The following PALLD variants were observed in gnomAD, a reference collection of about 807,000 sequenced individuals.
PALLD encodes palladin, cytoskeletal associated protein.
A neutral mutation model predicts 123.5 loss-of-function variants in PALLD; 61 were observed. The observed-to-expected ratio is 0.49, with a 90% CI of 0.40 to 0.61. The LOEUF is 0.61. PALLD is among the 20% of genes least tolerant of loss of function. The pLI is 0.00. For synonymous variants in PALLD, 465 were observed against 496.4 expected, an observed-to-expected ratio of 0.94 and a Z score of 0.84; for missense variants, 1,273 against 1,377.0, an observed-to-expected ratio of 0.92 and a Z score of 1.20.
At chr4:168,513,934 C>T (rs1580065879) in intron 2 of PALLD, among the ~76,000 whole-genome samples, 1 of 151,844 alleles carries the variant, frequency 6.6e-6, no homozygotes, top group African/African-American at 2.4e-5. Context: ...GTGAAACCCC[C>T]TCTCTACTAA....
At chr4:168,520,913 G>C (rs1293881536) in intron 2 of PALLD, among the ~76,000 whole-genome samples, 1 of 152,198 alleles carries the variant, frequency 6.6e-6, no homozygotes, top group East Asian at 1.9e-4. Context: ...AATTGGTTAT[G>C]ACAGTCATTG....
intron 2 of PALLD, among the ~76,000 whole-genome samples, chr4:168,628,982 G>C (rs1164065906): frequency 6.6e-6 from 1 of 150,458 alleles, no homozygotes; most frequent in Non-Finnish European, 1.5e-5. Flanking sequence ...AAGTGAAGAT[G>C]TAAGACGAAG....
chr4:168,867,660 A>G (rs962879186), intron 10 of PALLD, among the ~76,000 whole-genome samples: 2 of 152,182 alleles, frequency 1.3e-5, no homozygotes, highest in East Asian at 3.8e-4. Context: ...TTTATGAACA[A>G]TATATGAATT....
chr4:168,924,356 C>T lies in PALLD; in HGVS notation c.3160C>T (p.Pro1054Ser). Residue 1054 changes from proline to serine, a missense_variant, in exon 19 of 22, where the codon CCA becomes TCA. This residue lies in a region of PALLD where 329 missense variants were observed against 422.5 expected (regional missense o/e 0.78). Transcript: ENST00000505667. ...VRLECRVLGV[P>S]PPQIFWKKEN... ...GCTGGAATGTCGTGTATTGGGAGTG[C>T]CACCACCTCAGATATTTTGGAAGAA... 6.2e-7 allele frequency: 1 copy of T among 1,613,752 alleles called. No individual in the cohort carries two copies. Among genetic ancestry groups the T allele is most frequent in the Non-Finnish European group, 8.5e-7 (1 of 1,179,724 alleles).
At chr4:168,521,693 T>C (rs1362022367) in intron 2 of PALLD, among the ~76,000 whole-genome samples, 2 of 152,198 alleles carry the variant, frequency 1.3e-5, no homozygotes, top group African/African-American at 4.8e-5. Flanking sequence ...ATAGAGCCTA[T>C]GGAGATGGAA....
Position 168,782,285 on chromosome 4 carries a change from G to A in PALLD, c.1964+70362G>A, listed in dbSNP as rs148475476. ...GTGTGCTTGCAACTGTGCTGTTGAT[G>A]TAGAGCGAATTATATGTTTAATTTT... is the stretch of plus-strand genomic sequence containing the variant. On this transcript the variant is annotated intron_variant, in intron 10 of 21. Coordinates refer to ENST00000505667, the MANE Select transcript of PALLD (RefSeq NM_001166108.2). 6.1e-3 allele frequency among the ~76,000 whole-genome samples: 930 copies of A among 152,324 alleles called. 11 individuals carry two copies. Among genetic ancestry groups the A allele is most frequent in the African/African-American group, 0.02 (840 of 41,578 alleles).
chr4:168,509,014 G>A (rs1762283896), intron 1 of PALLD, among the ~76,000 whole-genome samples: 1 of 152,146 alleles, frequency 6.6e-6, no homozygotes, highest in Admixed American at 6.5e-5. Context: ...GGGTGTCCTT[G>A]CAATAGACAC....
intron 10 of PALLD, chr4:168,877,881 C>A: frequency 6.9e-7 from 1 of 1,443,612 alleles, no homozygotes; most frequent in African/African-American, 1.5e-5. Context: ...CCGCCCGCGT[C>A]CCCGGAGCCC....
chr4:168,607,872 C>T (rs1349489751), intron 2 of PALLD, among the ~76,000 whole-genome samples: 1 of 152,110 alleles, frequency 6.6e-6, no homozygotes, highest in Non-Finnish European at 1.5e-5. Flanking sequence ...GGTTCAGAAA[C>T]CAGGCCTCAG....
intron 5 of PALLD, among the ~76,000 whole-genome samples, chr4:168,684,190 T>C (rs190840821): frequency 6.6e-6 from 1 of 152,194 alleles, no homozygotes; most frequent in Non-Finnish European, 1.5e-5. Flanking sequence ...TGTGACAGAA[T>C]GTATTTAGAT....
At chr4:168,907,363 T>C (rs1758019343) in intron 15 of PALLD, among the ~76,000 whole-genome samples, 2 of 152,268 alleles carry the variant, frequency 1.3e-5, no homozygotes, top group East Asian at 1.9e-4. Flanking sequence ...GCAAGTCAAT[T>C]TGGGATGGAA....
chr4:168,899,186 G>C (rs563401649), intron 14 of PALLD, among the ~76,000 whole-genome samples: 1 of 152,182 alleles, frequency 6.6e-6, no homozygotes, highest in Non-Finnish European at 1.5e-5. Context: ...AGGGAGGTGG[G>C]GTGAAGAATA....
At chr4:168,685,810 G>GAAAAAAAAAAAAAAAAAAAA (rs70961550) in intron 6 of PALLD, among the ~76,000 whole-genome samples, 1 of 65,632 alleles carries the variant, frequency 1.5e-5, no homozygotes. Flanking sequence ...AAGACAGATA[G>GAAAAAAAAAAAAAAAAAAAA]AAAAAAAAAA....
At chr4:168,912,754 A>G (rs993999069) in intron 15 of PALLD, among the ~76,000 whole-genome samples, 1 of 152,196 alleles carries the variant, frequency 6.6e-6, no homozygotes, top group Non-Finnish European at 1.5e-5. Context: ...TCTTCCAGCT[A>G]TATGAAAATA....
chr4:168,585,437 GA>G (rs1244171531), intron 2 of PALLD, among the ~76,000 whole-genome samples: 8 of 152,140 alleles, frequency 5.3e-5, no homozygotes, highest in Non-Finnish European at 8.8e-5. Context: ...TCACAGAAAA[GA>G]GATTTGCAAC....
chr4:168,844,961 C>T lies in PALLD; in HGVS notation c.1965-45961C>T, dbSNP rs1322157755. 6.6e-6 allele frequency among the ~76,000 whole-genome samples: 1 copy of T among 152,100 alleles called. No individual in the cohort carries two copies. Among genetic ancestry groups the T allele is most frequent in the Non-Finnish European group, 1.5e-5 (1 of 68,032 alleles). On this transcript the variant is annotated intron_variant, in intron 10 of 21. Coordinates refer to ENST00000505667, the MANE Select transcript of PALLD (RefSeq NM_001166108.2). This position sits in a 1 kb window ranked among gnomAD's most constrained non-coding sequence, Gnocchi z 4.5. Reference sequence around the variant, plus strand: ...AGATTCAGTGTCCTCTGAGGAGGGACTGACCAGCTCTGCCTGGGGGAGTAA... The same window carrying T: ...AGATTCAGTGTCCTCTGAGGAGGGATTGACCAGCTCTGCCTGGGGGAGTAA...
intron 10 of PALLD, among the ~76,000 whole-genome samples, chr4:168,799,677 A>C (rs1177902364): frequency 6.6e-6 from 1 of 152,212 alleles, no homozygotes; most frequent in Non-Finnish European, 1.5e-5. Context: ...AATAATTGAC[A>C]ATCAGCACTT....
rs574405743 is a variant in PALLD, at chr4:168,854,591, C to T, written c.1965-36331C>T. 2.6e-5 allele frequency among the ~76,000 whole-genome samples: 4 copies of T among 152,210 alleles called. No individual in the cohort carries two copies. The East Asian group carries it at 7.7e-4, about 29-fold the overall frequency. On this transcript the variant is annotated intron_variant, in intron 10 of 21. Coordinates refer to ENST00000505667, the MANE Select transcript of PALLD (RefSeq NM_001166108.2). ...CTCAAAGAGCAAGGGTTCCAGGTGC[C>T]GCCGCTCCTGCTGTCCAGCAGGTTC...
intron 3 of PALLD, among the ~76,000 whole-genome samples, chr4:168,676,728 A>G (rs1224669702): frequency 1.4e-5 from 2 of 146,754 alleles, no homozygotes; most frequent in African/African-American, 5.3e-5. Flanking sequence ...TGGGACTACC[A>G]TGCCCATCTA....
Sources: gnomAD v4.1 joint callset for allele counts (sites outside exome capture counted in the v4.1 genomes callset) on GRCh38, gnomAD v4.1.1 for gene constraint, gnomAD v4.1.1 regional missense constraint, Gnocchi (gnomAD v3.1) non-coding constraint, MANE v1.5 for transcripts, NCBI Gene and HGNC (gene_info 2026-07-23, HGNC 2026-07-21) for gene names.